The following JPH1 variants were observed in gnomAD, a reference collection of about 807,000 sequenced individuals.
The protein encoded by JPH1 is junctophilin 1.
Under a neutral mutation model 53.6 loss-of-function variants are expected in JPH1, and 12 were observed. The observed-to-expected ratio is 0.22, with a 90% confidence interval of 0.14 to 0.36. JPH1 has a LOEUF of 0.36. Among genes scored for constraint, JPH1 ranks in the 10% least tolerant of loss-of-function variants. The probability of loss-of-function intolerance (pLI) is 1.00; values close to 1 mark genes in which losing one functional copy is unlikely to be tolerated. For synonymous variants in JPH1, 375 were observed against 363.8 expected (o/e 1.03, Z -0.35); for missense variants, 808 against 905.5 (o/e 0.89, Z 1.38).
chr8:74,301,355 A>G (rs1807675810), intron 2 of JPH1, among the ~76,000 whole-genome samples: 1 of 152,196 alleles, frequency 6.6e-6, no homozygotes, highest in African/African-American at 2.4e-5. Flanking sequence ...TTTGTTTCTT[A>G]TCATATCCTC....
chr8:74,286,093 C>G (rs572846181), intron 2 of JPH1, among the ~76,000 whole-genome samples: 1 of 152,114 alleles, frequency 6.6e-6, no homozygotes, highest in East Asian at 1.9e-4. Flanking sequence ...TGTTAACTAG[C>G]CTTTCATATG....
intron 2 of JPH1, among the ~76,000 whole-genome samples, chr8:74,314,395 A>G (rs1369975138): frequency 6.6e-6 from 1 of 152,266 alleles, no homozygotes; most frequent in Non-Finnish European, 1.5e-5. Flanking sequence ...GGCTAAGTGT[A>G]CATACCTCCG....
At chr8:74,252,986 G>C (rs1225124009) in intron 3 of JPH1, among the ~76,000 whole-genome samples, 3 of 151,992 alleles carry the variant, frequency 2.0e-5, no homozygotes, top group Admixed American at 6.6e-5. Flanking sequence ...AGATCAACGA[G>C]ACAGAAAGTC....
At chr8:74,308,662 C>G (rs1325068052) in intron 2 of JPH1, among the ~76,000 whole-genome samples, 1 of 152,158 alleles carries the variant, frequency 6.6e-6, no homozygotes, top group East Asian at 1.9e-4. Context: ...GAGGGATATT[C>G]AACAAATATT....
chr8:74,244,882 C>A lies in JPH1; in HGVS notation c.1552G>T (p.Ala518Ser). The change falls in exon 4 of 6, where the codon GCT (alanine) becomes TCT (serine). Residue 518 changes from alanine to serine, a missense_variant. This residue lies in a region of JPH1 where 756 missense variants were observed against 811.9 expected (regional missense o/e 0.93). Transcript: ENST00000342232. ...ACCGCTCCTGCCTCCTTCGTGGGAGCCTTTGACATCAAGGGCTTATTGACA... is the reference window on the plus strand; with the variant it reads ...ACCGCTCCTGCCTCCTTCGTGGGAGACTTTGACATCAAGGGCTTATTGACA... ...AIVNKPLMSKAPTKEAGAVVP... is the reference protein window; with the variant it reads ...AIVNKPLMSKSPTKEAGAVVP... 5 of 1,614,190 alleles carry A rather than the reference C, an allele frequency of 3.1e-6. No homozygotes were observed. Among genetic ancestry groups the A allele is most frequent in the Non-Finnish European group, 4.2e-6 (5 of 1,180,044 alleles).
chr8:74,297,410 C>T (rs1171831959), intron 2 of JPH1, among the ~76,000 whole-genome samples: 1 of 152,196 alleles, frequency 6.6e-6, no homozygotes, highest in African/African-American at 2.4e-5. Flanking sequence ...CATAAAGATA[C>T]AGATGGTACC....
intron 2 of JPH1, among the ~76,000 whole-genome samples, chr8:74,311,513 T>A (rs1310813705): frequency 6.7e-6 from 1 of 149,450 alleles, no homozygotes; most frequent in African/African-American, 2.6e-5. Flanking sequence ...TAAGGCTTTT[T>A]AAAATTTTTT....
intron 3 of JPH1, among the ~76,000 whole-genome samples, chr8:74,248,429 T>C (rs1333866446): frequency 6.6e-6 from 1 of 152,250 alleles, no homozygotes; most frequent in African/African-American, 2.4e-5. Flanking sequence ...GATATTTTAA[T>C]AAGTATGAAT....
intron 2 of JPH1, among the ~76,000 whole-genome samples, chr8:74,274,199 C>A (rs927141866): frequency 1.3e-5 from 2 of 152,158 alleles, no homozygotes; most frequent in Non-Finnish European, 2.9e-5. Flanking sequence ...TAGGTGTTTA[C>A]CACCCAATAG....
intron 2 of JPH1, among the ~76,000 whole-genome samples, chr8:74,279,421 A>G (rs1269753007): frequency 6.6e-6 from 1 of 152,218 alleles, no homozygotes; most frequent in African/African-American, 2.4e-5. Context: ...CAACCTGCTT[A>G]GTCCTAAAAC....
intron 2 of JPH1, among the ~76,000 whole-genome samples, chr8:74,309,961 C>T (rs1807943805): frequency 6.6e-6 from 1 of 152,118 alleles, no homozygotes; most frequent in Admixed American, 6.5e-5. Context: ...ATTGGGGGAT[C>T]CAATTCTAAG....
intron 2 of JPH1, among the ~76,000 whole-genome samples, chr8:74,262,214 C>T (rs1342824756): frequency 6.6e-6 from 1 of 152,158 alleles, no homozygotes; most frequent in Non-Finnish European, 1.5e-5. Flanking sequence ...GAACAGAAAC[C>T]CACTCTGAGT....
rs190293613 is a variant in JPH1 at position 74,309,342 on chromosome 8, C to A, written c.1139+5519G>T. 3.5e-3 allele frequency among the ~76,000 whole-genome samples: 531 copies of A among 152,312 alleles called. 6 individuals carry two copies. Among genetic ancestry groups the A allele is most frequent in the Admixed American group, 2.4e-3 (37 of 15,288 alleles). ...CTTTATAGTATTTCTTCTTATCTGC[C>A]TGATATAACAAAGTCAATACAAGCA... On this transcript the variant is annotated intron_variant, in intron 2 of 5. Coordinates refer to ENST00000342232, the MANE Select transcript of JPH1 (RefSeq NM_020647.4).
chr8:74,299,855 T>A (rs1489523706), intron 2 of JPH1, among the ~76,000 whole-genome samples: 1 of 152,218 alleles, frequency 6.6e-6, no homozygotes, highest in Non-Finnish European at 1.5e-5. Flanking sequence ...GTTACAAATA[T>A]AGCAACTGTA....
At position 74,259,458 on chromosome 8, in the gene JPH1, C is replaced by T. The variant is rs199614841; in HGVS notation, c.1185G>A (p.Ala395=). 1,363 of 1,613,092 alleles carry T rather than the reference C, an allele frequency of 8.4e-4. 18 individuals carry two copies. In the South Asian group the frequency reaches 0.014, roughly 16 times the overall value. Reference sequence around the variant, plus strand: ...TGTCGCACTCCTGGCGAGCGGCCAGCGCGGCCTGGTCGGCGGCATCGGCCT... The same window carrying T: ...TGTCGCACTCCTGGCGAGCGGCCAGTGCGGCCTGGTCGGCGGCATCGGCCT... ...RAKADAADQA[A]LAARQECDIA... is the part of the protein sequence containing the mutation. Residue 395 remains alanine, a synonymous_variant, in exon 3 of 6, where the codon GCG becomes GCA. Transcript: ENST00000342232.
At chr8:74,286,427 T>C (rs115220161) in intron 2 of JPH1, among the ~76,000 whole-genome samples, 2,045 of 152,300 alleles carry the variant, frequency 0.013, 46 homozygotes, top group African/African-American at 0.046. Flanking sequence ...GGTGATAACA[T>C]TCAAAATCTT....
Position 74,236,766 on chromosome 8 carries a change from A to G in JPH1, c.*285T>C, listed in dbSNP as rs1300318015. Reference sequence around the variant, plus strand: ...CTTCGCCGGATGGGGCTGCTTCAGCAGATTTTAAAAAAGAATTATTATTAA... The same window carrying G: ...CTTCGCCGGATGGGGCTGCTTCAGCGGATTTTAAAAAAGAATTATTATTAA... On this transcript the variant is annotated 3_prime_UTR_variant, in exon 6 of 6. Transcript: ENST00000342232. 2.0e-5 allele frequency: 3 copies of G among 153,760 alleles called. No homozygotes were observed. The highest frequency in any genetic ancestry group is 2.9e-5 in the Non-Finnish European group (2 of 68,988). The allele number at this position is 153,760 out of a possible 1,614,324, so 9.5% of individuals were successfully genotyped here.
chr8:74,296,334 C>T (rs1807521754), intron 2 of JPH1, among the ~76,000 whole-genome samples: 1 of 152,104 alleles, frequency 6.6e-6, no homozygotes, highest in African/African-American at 2.4e-5. Context: ...GTGGTATAAG[C>T]AAACATTTTA....
intron 2 of JPH1, among the ~76,000 whole-genome samples, chr8:74,271,955 A>C (rs1445815639): frequency 6.6e-6 from 1 of 152,212 alleles, no homozygotes; most frequent in African/African-American, 2.4e-5. Flanking sequence ...AGGAGAGTTA[A>C]GAAGCCTCTT....
Sources: allele counts gnomAD v4.1 joint callset (sites outside exome capture counted in the v4.1 genomes callset), GRCh38; gene constraint gnomAD v4.1.1; regional missense constraint gnomAD v4.1.1; transcripts MANE v1.5; gene names NCBI Gene and HGNC (gene_info 2026-07-23, HGNC 2026-07-21).